Variants in PLPPR1 observed in about 807,000 individuals in gnomAD.
PLPPR1 encodes phospholipid phosphatase-related protein type 1.
PLPPR1 carries 10 observed loss-of-function variants against 33.1 expected under a neutral mutation model. That is an observed-to-expected ratio of 0.30 (90% CI 0.19 to 0.51). The LOEUF (loss-of-function observed/expected upper bound fraction) is 0.51. Ranked by LOEUF, PLPPR1 falls within the 20% of genes least tolerant of loss-of-function variation. The pLI, the probability that PLPPR1 is intolerant of heterozygous loss-of-function variation, is 0.97. For synonymous variants in PLPPR1, 151 were observed against 151.0 expected, an observed-to-expected ratio of 1.00 and a Z score of 0.00; for missense variants, 304 against 408.1, an observed-to-expected ratio of 0.74 and a Z score of 2.20.
chr9:101,281,917 G>A (rs190912652), intron 3 of PLPPR1, among the ~76,000 whole-genome samples: 124 of 152,232 alleles, frequency 8.1e-4, no homozygotes, highest in Non-Finnish European at 1.5e-3. Context: ...CTAGGTGATT[G>A]AATCAATAAT....
At chr9:101,300,683 C>G (rs754415251) in intron 4 of PLPPR1, among the ~76,000 whole-genome samples, 2 of 151,744 alleles carry the variant, frequency 1.3e-5, no homozygotes, top group Admixed American at 1.3e-4. Context: ...GAATTTGAAG[C>G]CTTCTAAAAA....
chr9:101,248,267 GAAC>G (rs757971478), intron 2 of PLPPR1, among the ~76,000 whole-genome samples: 37 of 152,082 alleles, frequency 2.4e-4, no homozygotes, highest in Admixed American at 3.9e-4. Flanking sequence ...TACCTGTCAT[GAAC>G]AACATTAACT....
intron 1 of PLPPR1, among the ~76,000 whole-genome samples, chr9:101,062,924 A>G (rs372549025): frequency 2.3e-4 from 35 of 152,074 alleles, no homozygotes; most frequent in African/African-American, 7.0e-4. Context: ...TTTGCTACAG[A>G]GTCTTAGGTC....
At chr9:101,297,289 G>C (rs1357208778) in intron 4 of PLPPR1, among the ~76,000 whole-genome samples, 1 of 152,208 alleles carries the variant, frequency 6.6e-6, no homozygotes, top group Admixed American at 6.5e-5. Context: ...ACAGTCTTCA[G>C]TGTGGATAGA....
chr9:101,126,358 G>C (rs1300681812), intron 1 of PLPPR1, among the ~76,000 whole-genome samples: 1 of 152,164 alleles, frequency 6.6e-6, no homozygotes, highest in African/African-American at 2.4e-5. Context: ...CTAAGCAATA[G>C]ACCAACTGTT....
In PLPPR1 at chr9:101,206,941, C is replaced by A. The variant is rs551732251; in HGVS notation, c.63+21384C>A. Among the ~76,000 whole-genome samples, 17 of 152,040 alleles carry A rather than the reference C, an allele frequency of 1.1e-4. No individual in the cohort carries two copies. The South Asian group carries it at 2.7e-3, about 24-fold the overall frequency. On this transcript the variant is annotated intron_variant, in intron 2 of 7. Transcript: ENST00000374874. ...AGCCAGGACTTATAGGGAATATAACCCCTGGCACTGAAATCCTTCAAAAAG... is the reference window on the plus strand; with the variant it reads ...AGCCAGGACTTATAGGGAATATAACACCTGGCACTGAAATCCTTCAAAAAG...
At chr9:101,085,460 AG>A (rs1830664613) in intron 1 of PLPPR1, among the ~76,000 whole-genome samples, 1 of 152,150 alleles carries the variant, frequency 6.6e-6, no homozygotes, top group South Asian at 2.1e-4. Context: ...CAAGGATGAG[AG>A]GATGGGATCC....
intron 6 of PLPPR1, among the ~76,000 whole-genome samples, chr9:101,317,128 C>A (rs542858126): frequency 3.9e-5 from 6 of 152,270 alleles, no homozygotes; most frequent in African/African-American, 1.4e-4. Flanking sequence ...GTGGGTATTA[C>A]TATTCTTATT....
intron 4 of PLPPR1, among the ~76,000 whole-genome samples, chr9:101,296,134 C>T (rs888618943): frequency 5.3e-5 from 8 of 151,852 alleles, no homozygotes; most frequent in South Asian, 2.1e-4. Flanking sequence ...AAAAAGTAGG[C>T]GAAGGACATG....
Position 101,072,875 on chromosome 9 carries a change from T to C in PLPPR1, c.-46+43773T>C, listed in dbSNP as rs934445757. On this transcript the variant is annotated intron_variant, in intron 1 of 7. Coordinates refer to ENST00000374874, the MANE Select transcript of PLPPR1 (RefSeq NM_207299.2). ...TTCTTGCATCCATATGAAAGCTTTTTATTCTCGCATGTTGTATTAAAGAAA... is the reference window on the plus strand; with the variant it reads ...TTCTTGCATCCATATGAAAGCTTTTCATTCTCGCATGTTGTATTAAAGAAA... Among the ~76,000 whole-genome samples, 8 of 152,196 alleles carry C rather than the reference T, an allele frequency of 5.3e-5. No individual in the cohort carries two copies. The East Asian group carries it at 1.2e-3, about 22-fold the overall frequency.
intron 7 of PLPPR1, among the ~76,000 whole-genome samples, chr9:101,322,198 C>CAAAAAAAAAAAAAAAAAAAAAA (rs57344415): frequency 3.6e-5 from 1 of 27,668 alleles, no homozygotes; most frequent in African/African-American, 1.1e-4. Flanking sequence ...GACTTCATCT[C>CAAAAAAAAAAAAAAAAAAAAAA]AAAAAAAAAA....
Position 101,185,545 on chromosome 9 carries a change from T to C in PLPPR1, c.51T>C (p.Phe17=), listed in dbSNP as rs769492694. ...TQRSYSIIPC[F]IFVELVIMAG... The stretch of plus-strand genomic sequence containing the variant: ...GAAGTTATTCCATCATCCCGTGTTT[T>C]ATATTTGTTGAGGTATGTGTATTTT... The change falls in exon 2 of 8, where the codon TTT becomes TTC. Residue 17 remains phenylalanine, a synonymous_variant. Coordinates refer to ENST00000374874, the MANE Select transcript of PLPPR1 (RefSeq NM_207299.2). 2 of 1,607,928 alleles carry C rather than the reference T, an allele frequency of 1.2e-6. No homozygotes were observed. The highest frequency in any genetic ancestry group is 2.2e-5 in the South Asian group (2 of 90,700).
rs529867659 is a variant in PLPPR1 at position 101,130,393 on chromosome 9, C to T, written c.-45-55057C>T. Among the ~76,000 whole-genome samples, 39 of 152,268 alleles carry T rather than the reference C, an allele frequency of 2.6e-4. 1 individual carries two copies. The South Asian group carries it at 7.9e-3, about 31-fold the overall frequency. ...CAGCTGCATAACCCCAGGAAAGTTA[C>T]TCAGCATCCCTACACCTGTTTTCTC... On this transcript the variant is annotated intron_variant, in intron 1 of 7. Coordinates refer to ENST00000374874, the MANE Select transcript of PLPPR1 (RefSeq NM_207299.2).
At chr9:101,119,903 G>T (rs890077233) in intron 1 of PLPPR1, among the ~76,000 whole-genome samples, 7 of 152,170 alleles carry the variant, frequency 4.6e-5, no homozygotes. Context: ...ACTCAACTGT[G>T]GAGGCTAGTG....
chr9:101,029,398 C>T (rs577046081), intron 1 of PLPPR1, among the ~76,000 whole-genome samples: 1 of 152,330 alleles, frequency 6.6e-6, no homozygotes, highest in African/African-American at 2.4e-5. Context: ...CGTGGAGGCT[C>T]CCTCCGTCCC....
At chr9:101,098,728 A>C (rs1830854525) in intron 1 of PLPPR1, among the ~76,000 whole-genome samples, 2 of 152,162 alleles carry the variant, frequency 1.3e-5, no homozygotes, top group South Asian at 4.1e-4. Flanking sequence ...TCAAGGATCA[A>C]GTGTGTGGTT....
chr9:101,042,005 A>C (rs1394726178), intron 1 of PLPPR1, among the ~76,000 whole-genome samples: 1 of 152,192 alleles, frequency 6.6e-6, no homozygotes, highest in Non-Finnish European at 1.5e-5. Context: ...AGGGAAGGTA[A>C]GTCTGGAGGC....
At chr9:101,153,561 T>A (rs77669508) in intron 1 of PLPPR1, among the ~76,000 whole-genome samples, 1 of 152,042 alleles carries the variant, frequency 6.6e-6, no homozygotes, top group Admixed American at 6.5e-5. Context: ...TTTTGAGATA[T>A]GTCCCATCAA....
At chr9:101,203,603 T>C (rs1344485075) in intron 2 of PLPPR1, among the ~76,000 whole-genome samples, 1 of 148,268 alleles carries the variant, frequency 6.7e-6, no homozygotes, top group Non-Finnish European at 1.5e-5. Flanking sequence ...TTTATGTGGA[T>C]CTAGTAGAAA....
Sources: allele counts gnomAD v4.1 joint callset (sites outside exome capture counted in the v4.1 genomes callset), GRCh38; gene constraint gnomAD v4.1.1; transcripts MANE v1.5; gene names NCBI Gene and HGNC (gene_info 2026-07-23, HGNC 2026-07-21).